Variants in PRKG1 observed in about 807,000 individuals in gnomAD.
The protein encoded by PRKG1 is cGMP-dependent protein kinase 1.
Under a neutral mutation model 88.1 loss-of-function variants are expected in PRKG1, and 35 were observed. That is an observed-to-expected ratio of 0.40 (90% CI 0.30 to 0.53). The LOEUF is 0.53. Among genes scored for constraint, PRKG1 ranks in the 20% least tolerant of loss-of-function variants. PRKG1 has a pLI of 0.59. For synonymous variants in PRKG1, 303 were observed against 292.5 expected (o/e 1.04, Z -0.37); for missense variants, 540 against 839.8 (o/e 0.64, Z 4.41).
Position 52,258,297 on chromosome 10 carries a change from A to G in PRKG1, c.1173+6631A>G, listed in dbSNP as rs1311868005. Among the ~76,000 whole-genome samples the G allele has an allele frequency of 9.3e-5, 13 of 139,404 alleles. 1 individual carries two copies. Among genetic ancestry groups the G allele is most frequent in the African/African-American group, 3.0e-4 (12 of 40,294 alleles). The allele number at this position is 139,404 out of a possible 152,430, so 91.5% of individuals were successfully genotyped here. On this transcript the variant is annotated intron_variant, in intron 10 of 17. Transcript: ENST00000373980. Reference sequence around the variant, plus strand: ...AATAATTGGTGATAAAACAGCTCTTACAAAAGTTGACATTTAGGTCATACT... The same window carrying G: ...AATAATTGGTGATAAAACAGCTCTTGCAAAAGTTGACATTTAGGTCATACT...
intron 5 of PRKG1, among the ~76,000 whole-genome samples, chr10:52,026,684 G>A (rs879353067): frequency 1.3e-5 from 2 of 152,098 alleles, no homozygotes; most frequent in African/African-American, 2.4e-5. Context: ...GCATTTAAAA[G>A]GGTGAATTTC....
intron 3 of PRKG1, among the ~76,000 whole-genome samples, chr10:51,604,308 A>C (rs1163678968): frequency 6.6e-6 from 1 of 152,188 alleles, no homozygotes; most frequent in Non-Finnish European, 1.5e-5. Flanking sequence ...TGATTCTTTC[A>C]TACAGAGGGA....
chr10:51,919,775 T>C (rs1000889469), intron 5 of PRKG1, among the ~76,000 whole-genome samples: 1 of 152,130 alleles, frequency 6.6e-6, no homozygotes, highest in Non-Finnish European at 1.5e-5. Context: ...GCTGCATGCT[T>C]GATCCTATAT....
At position 51,615,388 on chromosome 10, in the gene PRKG1, G is replaced by C. The variant is rs1229536946; in HGVS notation, c.592+147552G>C. Reference sequence around the variant, plus strand: ...GATGTCTAAATCTCTTGCTAGATTTGGGAAGTATTTTTCTATTATTTGAGT... The same window carrying C: ...GATGTCTAAATCTCTTGCTAGATTTCGGAAGTATTTTTCTATTATTTGAGT... On this transcript the variant is annotated intron_variant, in intron 3 of 17. Transcript: ENST00000373980. Among the ~76,000 whole-genome samples, 3 of 151,946 alleles carry C rather than the reference G, an allele frequency of 2.0e-5. No homozygotes were observed. The South Asian group carries it at 6.2e-4, about 32-fold the overall frequency.
chr10:51,543,398 G>C (rs188695217), intron 3 of PRKG1, among the ~76,000 whole-genome samples: 1 of 152,150 alleles, frequency 6.6e-6, no homozygotes, highest in African/African-American at 2.4e-5. Flanking sequence ...CACAGGTTTA[G>C]TATTCAACAG....
At chr10:51,957,766 T>TA (rs1315895592) in intron 5 of PRKG1, among the ~76,000 whole-genome samples, 3 of 152,176 alleles carry the variant, frequency 2.0e-5, no homozygotes, top group South Asian at 2.1e-4. Context: ...ATGGAGCTAG[T>TA]AAAAAACATT....
chr10:52,086,682 C>T (rs1454504160), intron 7 of PRKG1, among the ~76,000 whole-genome samples: 6 of 152,010 alleles, frequency 3.9e-5, no homozygotes, highest in Non-Finnish European at 8.8e-5. Flanking sequence ...TTTTATAGCC[C>T]TTTAGTGCTC....
intron 2 of PRKG1, among the ~76,000 whole-genome samples, chr10:51,353,281 C>CA (rs1224612612): frequency 6.6e-6 from 1 of 151,802 alleles, no homozygotes; most frequent in East Asian, 1.9e-4. Flanking sequence ...GCAACCAAAG[C>CA]AAAAAATGAA....
chr10:51,734,983 AG>A (rs1473794014), intron 3 of PRKG1, among the ~76,000 whole-genome samples: 1 of 152,182 alleles, frequency 6.6e-6, no homozygotes, highest in Non-Finnish European at 1.5e-5. Flanking sequence ...CATTTGTGGG[AG>A]GATTTCTGGA....
chr10:51,617,907 C>T (rs966444662), intron 3 of PRKG1, among the ~76,000 whole-genome samples: 4 of 152,168 alleles, frequency 2.6e-5, no homozygotes, highest in East Asian at 3.8e-4. Flanking sequence ...GAGGTTAAAC[C>T]TTTATCCAGA....
chr10:51,856,848 C>T (rs1840692809), intron 4 of PRKG1, among the ~76,000 whole-genome samples: 1 of 151,870 alleles, frequency 6.6e-6, no homozygotes, highest in African/African-American at 2.4e-5. Context: ...GCCTTAGTCC[C>T]AGCTGCTCGG....
chr10:51,853,640 G>T (rs1297325140), intron 4 of PRKG1, among the ~76,000 whole-genome samples: 2 of 152,110 alleles, frequency 1.3e-5, no homozygotes, highest in Non-Finnish European at 2.9e-5. Flanking sequence ...TGTTTGCAAA[G>T]AAAACAATAA....
intron 2 of PRKG1, among the ~76,000 whole-genome samples, chr10:51,294,158 A>G (rs1400230762): frequency 6.6e-6 from 1 of 152,036 alleles, no homozygotes; most frequent in Non-Finnish European, 1.5e-5. Context: ...ATTTTCTCCC[A>G]TTATAGGTTG....
chr10:51,759,385 G>A (rs993547865), intron 3 of PRKG1, among the ~76,000 whole-genome samples: 4 of 151,908 alleles, frequency 2.6e-5, no homozygotes, highest in Non-Finnish European at 5.9e-5. Context: ...TCCTGCCTCA[G>A]CCTCCCAAGT....
intron 2 of PRKG1, among the ~76,000 whole-genome samples, chr10:51,390,008 T>C (rs1434055964): frequency 1.3e-5 from 2 of 152,192 alleles, no homozygotes; most frequent in Non-Finnish European, 2.9e-5. Context: ...ATGTCATCCC[T>C]CCCTAATTGC....
At position 52,069,915 on chromosome 10, in the gene PRKG1, G is replaced by A. The variant is rs114444412; in HGVS notation, c.935+7284G>A. 9.4e-3 allele frequency among the ~76,000 whole-genome samples: 1,407 copies of A among 150,322 alleles called. 22 individuals are homozygous for A. Among genetic ancestry groups the A allele is most frequent in the African/African-American group, 0.031 (1,287 of 40,878 alleles). The stretch of plus-strand genomic sequence containing the variant: ...GGCATTGCACTTATGTCATTCCTTC[G>A]TTTAGAAGTTTTACCTTCTTCTATT... On this transcript the variant is annotated intron_variant, in intron 7 of 17. Transcript: ENST00000373980.
chr10:51,833,853 C>T (rs60680159), intron 4 of PRKG1, among the ~76,000 whole-genome samples: 20,349 of 152,164 alleles, frequency 0.13, 1,798 homozygotes, highest in African/African-American at 0.25. Context: ...TCTCTGTCTA[C>T]CTTCTTTTCC....
chr10:51,737,216 C>G (rs1837302434), intron 3 of PRKG1, among the ~76,000 whole-genome samples: 1 of 152,160 alleles, frequency 6.6e-6, no homozygotes, highest in Non-Finnish European at 1.5e-5. Flanking sequence ...TCATCTTCCC[C>G]CACTCCCACA....
intron 1 of PRKG1, among the ~76,000 whole-genome samples, chr10:51,132,557 G>T (rs1845592435): frequency 6.6e-6 from 1 of 151,366 alleles, no homozygotes; most frequent in Non-Finnish European, 1.5e-5. Context: ...CTTTATTGGG[G>T]TAGCTAGAGT....
Sources: gnomAD v4.1 joint callset for allele counts (sites outside exome capture counted in the v4.1 genomes callset) on GRCh38, gnomAD v4.1.1 for gene constraint, MANE v1.5 for transcripts, NCBI Gene and HGNC (gene_info 2026-07-23, HGNC 2026-07-21) for gene names.